The following RALGAPA1 variants were observed in gnomAD, a reference collection of about 807,000 sequenced individuals.
The protein encoded by RALGAPA1 is Ral GTPase activating protein catalytic subunit alpha 1, also known as ral GTPase-activating protein subunit alpha-1.
Under a neutral mutation model 269.6 loss-of-function variants are expected in RALGAPA1, and 52 were observed. The ratio of observed to expected loss-of-function variants is 0.19; its 90% CI spans 0.15 to 0.24. RALGAPA1 has a LOEUF of 0.24. Among genes scored for constraint, RALGAPA1 ranks in the 10% least tolerant of loss-of-function variants. The probability of loss-of-function intolerance (pLI) is 1.00; values close to 1 mark genes in which losing one functional copy is unlikely to be tolerated. For missense variants in RALGAPA1, 1,917 were observed against 3,013.9 expected (o/e 0.64, Z 8.52); for synonymous variants, 817 against 1,008.3 (o/e 0.81, Z 3.60).
intron 4 of RALGAPA1, chr14:35,766,483 T>A: frequency 7.1e-7 from 1 of 1,413,262 alleles, no homozygotes; most frequent in Non-Finnish European, 9.9e-7. Flanking sequence ...GAAGTATCCT[T>A]TTCTCACATT....
chr14:35,670,834 A>G (rs903300278), intron 26 of RALGAPA1, among the ~76,000 whole-genome samples: 2 of 151,954 alleles, frequency 1.3e-5, no homozygotes, highest in African/African-American at 4.8e-5. Flanking sequence ...GAGGCAGGAG[A>G]ATCACTTGGA....
intron 12 of RALGAPA1, among the ~76,000 whole-genome samples, chr14:35,737,779 A>T (rs918124970): frequency 3.5e-5 from 5 of 142,668 alleles, no homozygotes; most frequent in African/African-American, 1.3e-4. Context: ...AAAAAAAAAA[A>T]AAAAAAAAAA....
At chr14:35,617,759 T>C (rs2060355447) in intron 35 of RALGAPA1, among the ~76,000 whole-genome samples, 4 of 151,222 alleles carry the variant, frequency 2.6e-5, no homozygotes, top group Admixed American at 2.0e-4. Context: ...AAATAAACTT[T>C]ATAAAAAAGA....
chr14:35,781,506 A>G (rs2075423772), intron 1 of RALGAPA1, among the ~76,000 whole-genome samples: 2 of 152,178 alleles, frequency 1.3e-5, no homozygotes, highest in African/African-American at 4.8e-5. Flanking sequence ...AAACATTACA[A>G]GAAAAATACA....
chr14:35,690,248 AACAG>A (rs1310742985), intron 17 of RALGAPA1, among the ~76,000 whole-genome samples: 1 of 152,238 alleles, frequency 6.6e-6, no homozygotes, highest in Admixed American at 6.5e-5. Context: ...CATGCATAGA[AACAG>A]ACAGTGAGGT....
chr14:35,561,509 T>G (rs1477122663), intron 39 of RALGAPA1, among the ~76,000 whole-genome samples: 2 of 112,462 alleles, frequency 1.8e-5, no homozygotes, highest in African/African-American at 1.2e-4. Flanking sequence ...TATAGGAGTT[T>G]TTTTTTTTTT....
At chr14:35,719,297 G>C (rs1016170125) in intron 16 of RALGAPA1, among the ~76,000 whole-genome samples, 3 of 152,080 alleles carry the variant, frequency 2.0e-5, no homozygotes, top group Non-Finnish European at 2.9e-5. Context: ...CTGCACTCTA[G>C]TTTGGGTGAC....
chr14:35,607,635 C>T (rs1194322628), intron 35 of RALGAPA1, among the ~76,000 whole-genome samples: 3 of 152,186 alleles, frequency 2.0e-5, no homozygotes, highest in Non-Finnish European at 4.4e-5. Context: ...AAAGCTGGTC[C>T]GTGACCCCAG....
chr14:35,736,336 T>G (rs1595371004), intron 12 of RALGAPA1, among the ~76,000 whole-genome samples: 1 of 152,160 alleles, frequency 6.6e-6, no homozygotes, highest in African/African-American at 2.4e-5. Flanking sequence ...AATTTGATAT[T>G]TGAATATTTT....
At chr14:35,688,330 C>G in intron 18 of RALGAPA1, 129 bp downstream of exon 18, 3 of 1,004,150 alleles carry the variant, frequency 3.0e-6, no homozygotes, top group Non-Finnish European at 4.3e-6. Context: ...AAGGCGCATG[C>G]ATAACCAAAC....
At chr14:35,657,192 C>CTT (rs1322013761) in intron 28 of RALGAPA1, among the ~76,000 whole-genome samples, 1 of 144,030 alleles carries the variant, frequency 6.9e-6, no homozygotes. Context: ...TTTCTTTTTT[C>CTT]TTTTTTTTTT....
chr14:35,784,128 T>C (rs1418539466), intron 1 of RALGAPA1, among the ~76,000 whole-genome samples: 1 of 144,258 alleles, frequency 6.9e-6, no homozygotes, highest in African/African-American at 2.7e-5. Context: ...CTCATCTCTA[T>C]CAAAAAAAAA....
chr14:35,752,513 T>C (rs897756739), intron 7 of RALGAPA1, among the ~76,000 whole-genome samples: 6 of 152,034 alleles, frequency 3.9e-5, no homozygotes, highest in Non-Finnish European at 8.8e-5. Context: ...CAGGGGTGTG[T>C]GTATGTAAGC....
At chr14:35,780,320 G>C (rs550519803) in intron 1 of RALGAPA1, among the ~76,000 whole-genome samples, 1 of 152,168 alleles carries the variant, frequency 6.6e-6, no homozygotes, top group East Asian at 1.9e-4. Context: ...ATAATGAATA[G>C]AACTAGACAG....
At chr14:35,546,877 A>AAAAAATCT (rs2054508470) in intron 41 of RALGAPA1, among the ~76,000 whole-genome samples, 1 of 152,108 alleles carries the variant, frequency 6.6e-6, no homozygotes, top group Non-Finnish European at 1.5e-5. Flanking sequence ...AAGATTTGAG[A>AAAAAATCT]TAACTGGAAA....
chr14:35,700,126 A>G (rs759995575), intron 17 of RALGAPA1, 36 bp downstream of exon 17: 19 of 1,498,518 alleles, frequency 1.3e-5, no homozygotes, highest in Non-Finnish European at 3.5e-6. Flanking sequence ...TAAAAAGTGA[A>G]AAAGGTGGTG....
At chr14:35,631,609 A>G (rs1190479498) in intron 33 of RALGAPA1, among the ~76,000 whole-genome samples, 1 of 152,184 alleles carries the variant, frequency 6.6e-6, no homozygotes, top group African/African-American at 2.4e-5. Flanking sequence ...TACACTCTGA[A>G]GAAGGGAAAG....
At chr14:35,593,481 T>C (rs2058752374) in intron 37 of RALGAPA1, among the ~76,000 whole-genome samples, 1 of 152,062 alleles carries the variant, frequency 6.6e-6, no homozygotes, top group Non-Finnish European at 1.5e-5. Flanking sequence ...AAATCAATTC[T>C]AAAATTCGTA....
At chr14:35,673,400 T>TA (rs1458542151) in intron 24 of RALGAPA1, among the ~76,000 whole-genome samples, 4 of 151,828 alleles carry the variant, frequency 2.6e-5, no homozygotes, top group Non-Finnish European at 4.4e-5. Context: ...TACAAAAAAA[T>TA]AAAAAATTAG....
Sources: allele counts gnomAD v4.1 joint callset (sites outside exome capture counted in the v4.1 genomes callset), GRCh38; gene constraint gnomAD v4.1.1; transcripts MANE v1.5; gene names NCBI Gene and HGNC (gene_info 2026-07-23, HGNC 2026-07-21).